Variants in FRMD6 observed in about 807,000 individuals in gnomAD.
The protein encoded by FRMD6 is FERM domain containing 6, also known as FERM domain-containing protein 6.
FRMD6 carries 37 observed loss-of-function variants against 73.2 expected under a neutral mutation model. The observed-to-expected ratio is 0.51, with a 90% CI of 0.39 to 0.66. FRMD6 has a LOEUF of 0.66. Ranked by LOEUF, FRMD6 falls within the 30% of genes least tolerant of loss-of-function variation. The pLI, the probability that FRMD6 is intolerant of heterozygous loss-of-function variation, is 0.00. For missense variants in FRMD6, 714 were observed against 780.5 expected, an observed-to-expected ratio of 0.91 and a Z score of 1.02; for synonymous variants, 273 against 282.2, an observed-to-expected ratio of 0.97 and a Z score of 0.33.
the FRMD6 span, among the ~76,000 whole-genome samples, chr14:51,444,211 G>A: frequency 1.3e-5 from 2 of 152,246 alleles, no homozygotes; most frequent in Non-Finnish European, 2.9e-5. Flanking sequence ...TTACAGGCGT[G>A]AGCCACCACG....
intron 1 of FRMD6, among the ~76,000 whole-genome samples, chr14:51,533,679 A>G (rs911189542): frequency 7.9e-5 from 12 of 152,194 alleles, no homozygotes; most frequent in African/African-American, 2.9e-4. Flanking sequence ...CCTATCAATA[A>G]ATGTAAAAAA....
chr14:51,416,575 A>G, the FRMD6 span, among the ~76,000 whole-genome samples: 1 of 152,162 alleles, frequency 6.6e-6, no homozygotes, highest in Non-Finnish European at 1.5e-5. Flanking sequence ...ACTTCCAACT[A>G]TGTGGTCAAT....
the FRMD6 span, among the ~76,000 whole-genome samples, chr14:51,483,857 T>C: frequency 6.6e-6 from 1 of 152,244 alleles, no homozygotes; most frequent in Non-Finnish European, 1.5e-5. Flanking sequence ...GTTTGTTTCA[T>C]GTAACTCTTA....
chr14:51,689,061 AG>A (rs1173212823), intron 1 of FRMD6, among the ~76,000 whole-genome samples: 2 of 152,220 alleles, frequency 1.3e-5, no homozygotes, highest in Non-Finnish European at 2.9e-5. Context: ...AGAAAAATCA[AG>A]TATGCATTAT....
Position 51,730,372 on chromosome 14 carries a change from ATATG to A in FRMD6, c.*2347_*2350del, listed in dbSNP as rs1898193356. On this transcript the variant is annotated 3_prime_UTR_variant, in exon 14 of 14. Coordinates refer to ENST00000344768, the MANE Select transcript of FRMD6 (RefSeq NM_001267046.2). Reference sequence around the variant, plus strand: ...TCCACTGTTTGCAGCAGAATTATATATATGTATAGGAAAAATCCACTTTGAATAA... The same window carrying A: ...TCCACTGTTTGCAGCAGAATTATATATATAGGAAAAATCCACTTTGAATAA... 2 of 152,342 alleles carry A rather than the reference ATATG, an allele frequency of 1.3e-5. No individual in the cohort carries two copies. The highest frequency in any genetic ancestry group is 1.3e-4 in the Admixed American group (2 of 15,298). 9.4% of individuals were successfully genotyped at this position (152,342 alleles called of 1,614,324 possible). A position where few individuals can be genotyped will look rare whatever the true frequency, so the allele number is the denominator to read the frequency against.
the FRMD6 span, chr14:51,454,934 A>G: frequency 6.6e-6 from 1 of 152,216 alleles, no homozygotes; most frequent in Non-Finnish European, 1.5e-5. Context: ...CAAAGACAGT[A>G]GTTTGGTTCA....
At chr14:51,693,839 T>C (rs992712910) in intron 2 of FRMD6, among the ~76,000 whole-genome samples, 1 of 152,126 alleles carries the variant, frequency 6.6e-6, no homozygotes, top group African/African-American at 2.4e-5. Flanking sequence ...CAGTAAGCGG[T>C]TGGACCAAAG....
At chr14:51,454,945 T>G in the FRMD6 span, 1 of 152,208 alleles carries the variant, frequency 6.6e-6, no homozygotes, top group Non-Finnish European at 1.5e-5. Context: ...GTTTGGTTCA[T>G]TCTAGCGAAT....
chr14:51,630,080 TATG>T (rs1190281925), intron 2 of FRMD6, among the ~76,000 whole-genome samples: 1 of 152,194 alleles, frequency 6.6e-6, no homozygotes, highest in Non-Finnish European at 1.5e-5. Flanking sequence ...TCTCATGGCC[TATG>T]ATATTATTTC....
chr14:51,433,325 A>G, the FRMD6 span, among the ~76,000 whole-genome samples: 1 of 152,200 alleles, frequency 6.6e-6, no homozygotes. Context: ...GAATAAAACC[A>G]TGGTTCATTT....
At chr14:51,576,799 G>T (rs1427486855) in intron 2 of FRMD6, among the ~76,000 whole-genome samples, 3 of 152,154 alleles carry the variant, frequency 2.0e-5, no homozygotes, top group East Asian at 1.9e-4. Flanking sequence ...ATCTTGTCTG[G>T]CACGTTGCAT....
At chr14:51,722,209 T>G (rs890519752) in intron 12 of FRMD6, 129 bp downstream of exon 12, 16 of 886,184 alleles carry the variant, frequency 1.8e-5, no homozygotes, top group Non-Finnish European at 2.1e-5. Context: ...TAAGAGTCTC[T>G]TCAGGTCAGT....
At position 51,656,041 on chromosome 14, in the gene FRMD6, A is replaced by AG. The variant is rs146714219; in HGVS notation, c.-147+4050dup. Among the ~76,000 whole-genome samples, 1,337 of 152,334 alleles carry AG rather than the reference A, an allele frequency of 8.8e-3. 8 individuals are homozygous for AG. The highest frequency in any genetic ancestry group is 0.031 in the South Asian group (149 of 4,830). On this transcript the variant is annotated intron_variant, in intron 1 of 13. Coordinates refer to ENST00000344768, the MANE Select transcript of FRMD6 (RefSeq NM_001267046.2). ...TCTACTTCCCATGCTGTGGGACCAG[A>AG]GGGGGCTCTACAGCAGTAATGGCTG... is the stretch of plus-strand genomic sequence containing the variant.
intron 10 of FRMD6, among the ~76,000 whole-genome samples, chr14:51,718,345 T>C (rs1301285629): frequency 6.6e-6 from 1 of 152,218 alleles, no homozygotes; most frequent in Non-Finnish European, 1.5e-5. Context: ...TAGTGATCTC[T>C]GAACCTATCA....
At chr14:51,526,766 A>G (rs761682307) in intron 1 of FRMD6, among the ~76,000 whole-genome samples, 1 of 152,234 alleles carries the variant, frequency 6.6e-6, no homozygotes, top group African/African-American at 2.4e-5. Flanking sequence ...CACAGTGCTC[A>G]GCACACCACA....
chr14:51,541,907 T>C (rs1016611952), intron 1 of FRMD6, among the ~76,000 whole-genome samples: 1 of 152,172 alleles, frequency 6.6e-6, no homozygotes, highest in South Asian at 2.1e-4. Flanking sequence ...ATGTGTGATG[T>C]CCCTGAGGCA....
chr14:51,469,476 G>A, the FRMD6 span, among the ~76,000 whole-genome samples: 7 of 151,258 alleles, frequency 4.6e-5, no homozygotes, highest in African/African-American at 1.2e-4. Flanking sequence ...AGCCGAGCGT[G>A]GTGGCAGGCC....
intron 2 of FRMD6, among the ~76,000 whole-genome samples, chr14:51,593,017 G>A (rs547239357): frequency 1.3e-5 from 2 of 152,334 alleles, no homozygotes; most frequent in African/African-American, 4.8e-5. Context: ...TATAGGCAGA[G>A]CTGATGGTTA....
chr14:51,427,775 G>A, the FRMD6 span, among the ~76,000 whole-genome samples: 1 of 152,182 alleles, frequency 6.6e-6, no homozygotes, highest in African/African-American at 2.4e-5. Flanking sequence ...CAGGAAGTTT[G>A]CAAGCTTTCT....
Sources: gnomAD v4.1 joint callset for allele counts (sites outside exome capture counted in the v4.1 genomes callset) on GRCh38, gnomAD v4.1.1 for gene constraint, MANE v1.5 for transcripts, NCBI Gene and HGNC (gene_info 2026-07-23, HGNC 2026-07-21) for gene names.